Variants in SMIM28 observed in about 807,000 individuals in gnomAD.
The protein encoded by SMIM28 is small integral membrane protein 28.
chr6:138,378,797 C>T (rs1031137209), intron 1 of SMIM28, among the ~76,000 whole-genome samples: 1 of 151,990 alleles, frequency 6.6e-6, no homozygotes, highest in Non-Finnish European at 1.5e-5. Flanking sequence ...TGAGTGACAC[C>T]GCCGACAACA....
intron 1 of SMIM28, among the ~76,000 whole-genome samples, chr6:138,379,429 A>C (rs1774290177): frequency 6.6e-6 from 1 of 152,214 alleles, no homozygotes; most frequent in African/African-American, 2.4e-5. Context: ...TTTTAAATAG[A>C]ACATTAAGTA....
At position 138,382,507 on chromosome 6, in the gene SMIM28, A is replaced by C; in HGVS notation, c.119A>C (p.Gln40Pro). The change falls in exon 2 of 2, where the codon CAG becomes CCG. Residue 40 changes from glutamine (Q) to proline (P), a missense_variant. By Grantham distance (76) the Gln-to-Pro change is moderately conservative. Coordinates refer to ENST00000573100, the MANE Select transcript of SMIM28 (RefSeq NM_001368163.3). ...TTCCTTCCCTAACTCCAGGGCACCC[A>C]GGGGGTGAGCTCCACCCAGGAGGAT... is the stretch of plus-strand genomic sequence containing the variant. ...PLLETQLQGT[Q>P]GVSSTQEDVE... is the part of the protein sequence containing the mutation. The C allele has an allele frequency of 2.5e-6, 1 of 395,172 alleles. No homozygotes were observed. Among genetic ancestry groups the C allele is most frequent in the Non-Finnish European group, 4.5e-6 (1 of 224,594 alleles). 24.5% of individuals were successfully genotyped at this position (395,172 alleles called of 1,614,324 possible).
intron 1 of SMIM28, among the ~76,000 whole-genome samples, chr6:138,380,154 C>T (rs532720622): frequency 1.3e-5 from 2 of 152,204 alleles, no homozygotes; most frequent in African/African-American, 2.4e-5. Context: ...CCCTTGAAAA[C>T]GGATGTTATT....
chr6:138,380,185 A>G (rs1774296296), intron 1 of SMIM28, among the ~76,000 whole-genome samples: 1 of 150,998 alleles, frequency 6.6e-6, no homozygotes, highest in Admixed American at 6.6e-5. Context: ...TATAGAAGAG[A>G]AAGCCTAGGC....
At position 138,383,117 on chromosome 6, in the gene SMIM28, G is replaced by T; in HGVS notation, c.*270G>T. Reference sequence around the variant, plus strand: ...AAAGATGACTGCACTCTCCTAAAATGTATAACACTCCTGAGAAAAAAAGGA... The same window carrying T: ...AAAGATGACTGCACTCTCCTAAAATTTATAACACTCCTGAGAAAAAAAGGA... On this transcript the variant is annotated 3_prime_UTR_variant, in exon 2 of 2. Transcript: ENST00000573100. 9 of 240,964 alleles carry T rather than the reference G, an allele frequency of 3.7e-5. No individual in the cohort carries two copies. The highest frequency in any genetic ancestry group is 6.3e-5 in the Non-Finnish European group (8 of 127,314). 14.9% of individuals were successfully genotyped at this position (240,964 alleles called of 1,614,324 possible). A position where few individuals can be genotyped will look rare whatever the true frequency, so the allele number is the denominator to read the frequency against.
In SMIM28 at chr6:138,382,759, T is replaced by TC; in HGVS notation, c.375dup (p.Ser126LeufsTer54). On this transcript the variant is annotated frameshift_variant, in exon 2 of 2. Coordinates refer to ENST00000573100, the MANE Select transcript of SMIM28 (RefSeq NM_001368163.3). LOFTEE classifies it low-confidence loss of function (END_TRUNC). Reference sequence around the variant, plus strand: ...TCCCCACTGCCCCCGGAGGCCACTCTCCCCTCCCAGTGTTTACCGCCCTCC... The same window carrying TC: ...TCCCCACTGCCCCCGGAGGCCACTCTCCCCCTCCCAGTGTTTACCGCCCTCC... 2.5e-6 allele frequency: 1 copy of TC among 398,398 alleles called. No homozygotes were observed. The highest frequency in any genetic ancestry group is 4.4e-6 in the Non-Finnish European group (1 of 226,084). The allele number at this position is 398,398 out of a possible 1,614,324, so 24.7% of individuals were successfully genotyped here. A position where few individuals can be genotyped will look rare whatever the true frequency, so the allele number is the denominator to read the frequency against.
At chr6:138,380,611 C>CA (rs1247751058) in intron 1 of SMIM28, among the ~76,000 whole-genome samples, 1 of 151,838 alleles carries the variant, frequency 6.6e-6, no homozygotes, top group African/African-American at 2.4e-5. Flanking sequence ...ACTAAAAATA[C>CA]AAAAAATTAG....
intron 1 of SMIM28, among the ~76,000 whole-genome samples, 192 bp from the exon 2 acceptor site, chr6:138,382,307 GA>G (rs1470797975): frequency 2.7e-5 from 4 of 146,300 alleles, no homozygotes; most frequent in African/African-American, 7.5e-5. Flanking sequence ...TGAGGCAGGA[GA>G]ATTGCTTGAA....
intron 1 of SMIM28, 51 bp from the exon 2 acceptor site, chr6:138,382,449 G>A (rs1583091825): frequency 2.6e-6 from 1 of 388,656 alleles, no homozygotes; most frequent in African/African-American, 2.1e-5. Flanking sequence ...AAAAAGAAAT[G>A]CGAGGCCTTC....
intron 1 of SMIM28, among the ~76,000 whole-genome samples, chr6:138,381,150 C>T (rs937612235): frequency 5.3e-5 from 8 of 152,152 alleles, no homozygotes; most frequent in African/African-American, 1.9e-4. Flanking sequence ...CAGTGATCCT[C>T]CCACCTCAGC....
At position 138,382,611 on chromosome 6, in the gene SMIM28, C is replaced by T. The variant is rs1012770336; in HGVS notation, c.223C>T (p.Arg75Cys). ...ATTTCTGCTGCTGTTCCTGTACCGCCGCTGCAAGTCCCCACCGCCCCAGGG... is the reference window on the plus strand; with the variant it reads ...ATTTCTGCTGCTGTTCCTGTACCGCTGCTGCAAGTCCCCACCGCCCCAGGG... ...LAFLLLFLYR[R>C]CKSPPPQGQV... Residue 75 changes from arginine (R) to cysteine (C), a missense_variant, in exon 2 of 2, where the codon CGC becomes TGC. Transcript: ENST00000573100. The T allele has an allele frequency of 6.8e-5, 27 of 398,718 alleles. No homozygotes were observed. Among genetic ancestry groups the T allele is most frequent in the South Asian group, 1.3e-4 (1 of 7,856 alleles). 24.7% of individuals were successfully genotyped at this position (398,718 alleles called of 1,614,324 possible).
In SMIM28 at chr6:138,382,803, A is replaced by G. The variant is rs145843902; in HGVS notation, c.415A>G (p.Asn139Asp). ...LPPSYEEATR[N>D]PPGEEAQGCS... ...GCCCTCCTACGAAGAGGCCACCAGA[A>G]ATCCTCCTGGGGAGGAGGCCCAGGG... The change falls in exon 2 of 2, where the codon AAT becomes GAT. Residue 139 changes from asparagine to aspartate, a missense_variant. Asn to Asp is a conservative substitution (Grantham distance 23, BLOSUM62 1). Transcript: ENST00000573100. The G allele has an allele frequency of 2.8e-5, 11 of 398,606 alleles. No homozygotes were observed. The highest frequency in any genetic ancestry group is 2.3e-4 in the African/African-American group (11 of 48,716). 24.7% of individuals were successfully genotyped at this position (398,606 alleles called of 1,614,324 possible).
At chr6:138,379,196 G>A (rs1774288280) in intron 1 of SMIM28, among the ~76,000 whole-genome samples, 1 of 151,944 alleles carries the variant, frequency 6.6e-6, no homozygotes, top group African/African-American at 2.4e-5. Flanking sequence ...GATAGCACTG[G>A]GCCTCTCTTA....
At position 138,383,325 on chromosome 6, in the gene SMIM28, T is replaced by A. The variant is rs1774340369; in HGVS notation, c.*478T>A. Among the ~76,000 whole-genome samples the A allele has an allele frequency of 6.6e-6, 1 of 152,230 alleles. No individual in the cohort carries two copies. Among genetic ancestry groups the A allele is most frequent in the Non-Finnish European group, 1.5e-5 (1 of 68,044 alleles). ...ATGGTTTGTTTCACTTCTGTATGAA[T>A]GCTCCAAGATATAGAGAGTTCTAGC... On this transcript the variant is annotated 3_prime_UTR_variant, in exon 2 of 2. Coordinates refer to ENST00000573100, the MANE Select transcript of SMIM28 (RefSeq NM_001368163.3).
At chr6:138,380,766 C>CTAAATAAATAAATAAATAAATAAATAAA (rs1412474659) in intron 1 of SMIM28, among the ~76,000 whole-genome samples, 1 of 70,962 alleles carries the variant, frequency 1.4e-5, no homozygotes. Context: ...GACCCCGTCT[C>CTAAATAAATAAATAAATAAATAAATAAA]TAAATAAATA....
chr6:138,381,378 A>C (rs1369768854), intron 1 of SMIM28, among the ~76,000 whole-genome samples: 1 of 152,132 alleles, frequency 6.6e-6, no homozygotes, highest in Non-Finnish European at 1.5e-5. Flanking sequence ...ATTTCTTAGT[A>C]GCCTTATTAA....
rs1774333156 is a variant in SMIM28 at position 138,382,934 on chromosome 6, C to G, written c.*87C>G. On this transcript the variant is annotated 3_prime_UTR_variant, in exon 2 of 2. Transcript: ENST00000573100. The stretch of plus-strand genomic sequence containing the variant: ...AGCTCTCCACCTTTAATACAGCACC[C>G]ATGAGAAGAGGGAGAAGGGCCCCTA... 2.5e-6 allele frequency: 1 copy of G among 397,562 alleles called. No homozygotes were observed. Among genetic ancestry groups the G allele is most frequent in the African/African-American group, 2.1e-5 (1 of 48,588 alleles). 24.6% of individuals were successfully genotyped at this position (397,562 alleles called of 1,614,324 possible).
At chr6:138,378,905 A>T (rs1296072093) in intron 1 of SMIM28, among the ~76,000 whole-genome samples, 1 of 152,226 alleles carries the variant, frequency 6.6e-6, no homozygotes, top group Admixed American at 6.5e-5. Context: ...ACAGAAAAAA[A>T]TACATAAATA....
intron 1 of SMIM28, among the ~76,000 whole-genome samples, chr6:138,380,961 G>A (rs1206411969): frequency 6.6e-6 from 1 of 151,416 alleles, no homozygotes; most frequent in African/African-American, 2.4e-5. Context: ...GGAGTGAAGT[G>A]GCACAATCTC....
Sources: allele counts gnomAD v4.1 joint callset (sites outside exome capture counted in the v4.1 genomes callset), GRCh38; gene constraint gnomAD v4.1.1; transcripts MANE v1.5; gene names NCBI Gene and HGNC (gene_info 2026-07-23, HGNC 2026-07-21).